Variants in CCDC3 observed in about 807,000 individuals in gnomAD.
CCDC3 encodes coiled-coil domain-containing protein 3.
In CCDC3, 24 loss-of-function variants were observed where a neutral mutation model predicts 21.4. That is an observed-to-expected ratio of 1.12 (90% CI 0.81 to 1.58). The LOEUF is 1.58. Among genes scored for constraint, CCDC3 ranks in the 40% most tolerant of loss-of-function variants. CCDC3 has a pLI of 0.00. For missense variants in CCDC3, 425 were observed against 360.9 expected (o/e 1.18, Z -1.44); for synonymous variants, 186 against 166.0 (o/e 1.12, Z -0.93).
intron 5 of CCDC3, among the ~76,000 whole-genome samples, chr10:13,027,464 T>G (rs150058533): frequency 6.6e-6 from 1 of 152,186 alleles, no homozygotes; most frequent in Non-Finnish European, 1.5e-5. Flanking sequence ...TGACGTCTCA[T>G]TGCACTAAGA....
intron 5 of CCDC3, among the ~76,000 whole-genome samples, chr10:13,011,431 T>A (rs532349282): frequency 6.6e-6 from 1 of 152,146 alleles, no homozygotes; most frequent in African/African-American, 2.4e-5. Flanking sequence ...CACAATCCCA[T>A]TCAGAATTGC....
intron 5 of CCDC3, among the ~76,000 whole-genome samples, chr10:13,010,000 C>T (rs1835965796): frequency 1.3e-5 from 2 of 152,326 alleles, no homozygotes; most frequent in African/African-American, 4.8e-5. Flanking sequence ...GTAATCCCAG[C>T]ACTTTGGGAG....
intron 5 of CCDC3, among the ~76,000 whole-genome samples, chr10:13,032,160 A>G (rs7082935): frequency 1.3e-3 from 159 of 127,112 alleles, no homozygotes; most frequent in African/African-American, 4.1e-3. Context: ...AATTGGCTTC[A>G]TCCCTGGGAT....
chr10:13,071,003 T>C (rs1286120641), intron 4 of CCDC3, among the ~76,000 whole-genome samples: 1 of 152,088 alleles, frequency 6.6e-6, no homozygotes, highest in Admixed American at 6.5e-5. Context: ...ACAAAAGGGA[T>C]GGGTGACGTA....
intron 2 of CCDC3, among the ~76,000 whole-genome samples, chr10:12,902,953 T>A (rs952155966): frequency 1.3e-5 from 2 of 152,164 alleles, no homozygotes; most frequent in Non-Finnish European, 2.9e-5. Flanking sequence ...GAATGATAAA[T>A]TCCCAAGCAA....
intron 4 of CCDC3, among the ~76,000 whole-genome samples, chr10:13,054,705 T>A (rs1836659204): frequency 6.6e-6 from 1 of 152,146 alleles, no homozygotes; most frequent in Non-Finnish European, 1.5e-5. Context: ...TTCCCTCTTG[T>A]TGCCCAGGCT....
At chr10:12,983,130 G>GTATATATATA (rs57120940) in intron 2 of CCDC3, among the ~76,000 whole-genome samples, 4 of 29,050 alleles carry the variant, frequency 1.4e-4, no homozygotes, top group African/African-American at 1.5e-4. Context: ...ATAAAATAGT[G>GTATATATATA]TATATATATA....
intron 3 of CCDC3, among the ~76,000 whole-genome samples, chr10:13,076,443 A>G (rs1836965574): frequency 6.6e-6 from 1 of 152,238 alleles, no homozygotes; most frequent in African/African-American, 2.4e-5. Context: ...AAACAGACCC[A>G]GACGTAGGAG....
chr10:12,944,980 C>A (rs1366266149), intron 2 of CCDC3, among the ~76,000 whole-genome samples: 1 of 152,184 alleles, frequency 6.6e-6, no homozygotes, highest in Non-Finnish European at 1.5e-5. Flanking sequence ...ACAACAATTT[C>A]ATTCTCAGGC....
chr10:12,903,775 G>T (rs961549232), intron 2 of CCDC3, among the ~76,000 whole-genome samples: 5 of 152,220 alleles, frequency 3.3e-5, no homozygotes, highest in African/African-American at 1.2e-4. Flanking sequence ...AAAGACAAAA[G>T]TTAGGCTGGG....
intron 2 of CCDC3, among the ~76,000 whole-genome samples, chr10:12,928,438 C>T (rs1373650344): frequency 6.6e-6 from 1 of 152,210 alleles, no homozygotes; most frequent in Non-Finnish European, 1.5e-5. Flanking sequence ...CAATACTTAA[C>T]ATCCTCAATA....
intron 3 of CCDC3, among the ~76,000 whole-genome samples, chr10:13,090,937 C>T (rs146310430): frequency 1.1e-3 from 175 of 152,296 alleles, no homozygotes; most frequent in African/African-American, 4.1e-3. Flanking sequence ...GACAGTGCAG[C>T]CTTCAGTCTG....
intron 2 of CCDC3, among the ~76,000 whole-genome samples, chr10:12,904,962 C>T (rs893908167): frequency 3.9e-5 from 6 of 152,010 alleles, no homozygotes; most frequent in African/African-American, 1.4e-4. Context: ...AAAAAAATAT[C>T]TCATGGCACC....
intron 3 of CCDC3, among the ~76,000 whole-genome samples, chr10:13,078,178 C>G (rs918419130): frequency 2.0e-5 from 3 of 152,144 alleles, no homozygotes; most frequent in Non-Finnish European, 4.4e-5. Flanking sequence ...AAGCAAACAA[C>G]CCCATCAAAA....
intron 3 of CCDC3, among the ~76,000 whole-genome samples, chr10:13,085,663 T>A (rs1236113884): frequency 1.3e-5 from 2 of 152,052 alleles, no homozygotes; most frequent in Admixed American, 6.6e-5. Context: ...CCATAAAACA[T>A]CAGAAATTCA....
intron 2 of CCDC3, among the ~76,000 whole-genome samples, chr10:12,901,908 G>A (rs770733187): frequency 2.6e-5 from 4 of 152,076 alleles, no homozygotes; most frequent in South Asian, 2.1e-4. Flanking sequence ...TCTTCCTCCC[G>A]CCTGGAGCAC....
chr10:12,904,158 A>AACTCACTAGGCAAGACTG (rs1408090141), intron 2 of CCDC3, among the ~76,000 whole-genome samples: 11 of 152,102 alleles, frequency 7.2e-5, no homozygotes, highest in Non-Finnish European at 1.5e-4. Flanking sequence ...CACGAGGACT[A>AACTCACTAGGCAAGACTG]ACTCACTAGG....
chr10:12,979,187 T>C (rs7908931), intron 2 of CCDC3, among the ~76,000 whole-genome samples: 8,017 of 152,124 alleles, frequency 0.053, 601 homozygotes, highest in African/African-American at 0.17. Flanking sequence ...ACAATGTCAA[T>C]TACCAACTTA....
intron 2 of CCDC3, among the ~76,000 whole-genome samples, chr10:12,928,695 G>C (rs1834587088): frequency 6.6e-6 from 1 of 152,224 alleles, no homozygotes; most frequent in Admixed American, 6.5e-5. Context: ...CCTGTAGGAA[G>C]TGATTTTGCA....
Sources: gnomAD v4.1 joint callset for allele counts (sites outside exome capture counted in the v4.1 genomes callset) on GRCh38, gnomAD v4.1.1 for gene constraint, MANE v1.5 for transcripts, NCBI Gene and HGNC (gene_info 2026-07-23, HGNC 2026-07-21) for gene names.